The following CTDSPL2 variants were observed in gnomAD, a reference collection of about 807,000 sequenced individuals.
CTDSPL2 encodes CTD small phosphatase-like protein 2.
A neutral mutation model predicts 60.0 loss-of-function variants in CTDSPL2; 5 were observed. That is an observed-to-expected ratio of 0.08 (90% CI 0.04 to 0.18). CTDSPL2 has a LOEUF of 0.18. Among genes scored for constraint, CTDSPL2 ranks in the 10% least tolerant of loss-of-function variants. The pLI is 1.00. For synonymous variants in CTDSPL2, 186 were observed against 189.3 expected, an observed-to-expected ratio of 0.98 and a Z score of 0.14; for missense variants, 370 against 548.8, an observed-to-expected ratio of 0.67 and a Z score of 3.26.
chr15:44,438,995 C>A (rs2080029140), intron 1 of CTDSPL2, among the ~76,000 whole-genome samples: 1 of 151,866 alleles, frequency 6.6e-6, no homozygotes, highest in Non-Finnish European at 1.5e-5. Flanking sequence ...CTTTTTTCTT[C>A]CAATGTCATG....
intron 1 of CTDSPL2, among the ~76,000 whole-genome samples, chr15:44,444,887 G>GC (rs1470211995): frequency 9.0e-6 from 1 of 110,720 alleles, no homozygotes; most frequent in Non-Finnish European, 1.7e-5. Context: ...TCCCTCTGTT[G>GC]CCCAGGCTGG....
intron 1 of CTDSPL2, among the ~76,000 whole-genome samples, chr15:44,456,266 C>A (rs938609640): frequency 3.9e-5 from 6 of 152,218 alleles, no homozygotes; most frequent in South Asian, 2.1e-4. Flanking sequence ...AAAATGAGTT[C>A]GGGAGGATTC....
chr15:44,442,032 G>A (rs2080098773), intron 1 of CTDSPL2, among the ~76,000 whole-genome samples: 1 of 152,124 alleles, frequency 6.6e-6, no homozygotes, highest in Non-Finnish European at 1.5e-5. Flanking sequence ...TCTTCCCTAA[G>A]TGCTGGTTCC....
intron 1 of CTDSPL2, among the ~76,000 whole-genome samples, chr15:44,455,634 C>T (rs1350049287): frequency 2.6e-5 from 4 of 151,998 alleles, no homozygotes; most frequent in Admixed American, 6.6e-5. Flanking sequence ...GCATGAAGGG[C>T]TGTTGAATTT....
chr15:44,456,411 ATTTCAGC>A (rs1319456225), intron 1 of CTDSPL2, among the ~76,000 whole-genome samples: 1 of 152,168 alleles, frequency 6.6e-6, no homozygotes, highest in Non-Finnish European at 1.5e-5. Context: ...TATTGCCTCA[ATTTCAGC>A]TCCTGTTATT....
intron 1 of CTDSPL2, among the ~76,000 whole-genome samples, chr15:44,428,992 T>G (rs1321755374): frequency 6.6e-6 from 1 of 152,180 alleles, no homozygotes; most frequent in Non-Finnish European, 1.5e-5. Context: ...TTTGTAGGTT[T>G]TTTTGTTTTC....
intron 1 of CTDSPL2, among the ~76,000 whole-genome samples, chr15:44,452,699 T>C (rs2080356387): frequency 6.6e-6 from 1 of 152,180 alleles, no homozygotes; most frequent in Admixed American, 6.5e-5. Flanking sequence ...TCATTGTTAC[T>C]ATTTAAATTT....
rs747532176 is a variant in CTDSPL2 at position 44,521,412 on chromosome 15, T to C, written c.1335+6T>C. 7.0e-7 allele frequency: 1 copy of C among 1,435,856 alleles called. No homozygotes were observed. The highest frequency in any genetic ancestry group is 9.6e-7 in the Non-Finnish European group (1 of 1,036,624). 88.9% of individuals were successfully genotyped at this position (1,435,856 alleles called of 1,614,324 possible). A position where few individuals can be genotyped will look rare whatever the true frequency, so the allele number is the denominator to read the frequency against. ...TGGAGAAGCTTGTAGAACTGGTAAG[T>C]GTAGCTTATCTTTTTCTGTTGTGTT... On this transcript the variant is annotated splice_donor_region_variant and intron_variant, in intron 12 of 12. Transcript: ENST00000260327.
intron 1 of CTDSPL2, among the ~76,000 whole-genome samples, chr15:44,439,378 A>C (rs1033005996): frequency 6.6e-6 from 1 of 151,800 alleles, no homozygotes; most frequent in African/African-American, 2.4e-5. Context: ...CGAACTCCTG[A>C]CCTTGTGATC....
chr15:44,430,673 A>G (rs879888040), intron 1 of CTDSPL2, among the ~76,000 whole-genome samples: 4 of 152,258 alleles, frequency 2.6e-5, no homozygotes, highest in Admixed American at 2.0e-4. Flanking sequence ...TTGTGAAAGC[A>G]TAAAGTAGAA....
Position 44,528,998 on chromosome 15 carries a change from A to G in CTDSPL2, c.*4824A>G, listed in dbSNP as rs2081907325. On this transcript the variant is annotated 3_prime_UTR_variant, in exon 13 of 13. Coordinates refer to ENST00000260327, the MANE Select transcript of CTDSPL2 (RefSeq NM_016396.3). ...TCAAATGCCCTGATCACCCTACCTC[A>G]CAGGGTTGTTGTGGGGATAAATAAA... is the stretch of plus-strand genomic sequence containing the variant. The G allele has an allele frequency of 6.6e-6, 1 of 152,178 alleles. No homozygotes were observed. Among genetic ancestry groups the G allele is most frequent in the Non-Finnish European group, 1.5e-5 (1 of 68,008 alleles). 9.4% of individuals were successfully genotyped at this position (152,178 alleles called of 1,614,324 possible). A position where few individuals can be genotyped will look rare whatever the true frequency, so the allele number is the denominator to read the frequency against.
chr15:44,521,811 G>A lies in CTDSPL2; in HGVS notation c.1335+405G>A, dbSNP rs185223798. The stretch of plus-strand genomic sequence containing the variant: ...AAATTAGCCGGGCGTGGTAGCGGGC[G>A]CCTGTAGTCCCAGCTACTCGGGAGG... On this transcript the variant is annotated intron_variant, in intron 12 of 12. Transcript: ENST00000260327. Among the ~76,000 whole-genome samples, 4 of 151,004 alleles carry A rather than the reference G, an allele frequency of 2.6e-5. No individual in the cohort carries two copies. In the East Asian group the frequency reaches 7.8e-4, roughly 29 times the overall value.
intron 8 of CTDSPL2, among the ~76,000 whole-genome samples, chr15:44,510,244 C>T (rs1211908599): frequency 1.3e-5 from 2 of 152,088 alleles, no homozygotes; most frequent in East Asian, 1.9e-4. Flanking sequence ...GCGATCCACT[C>T]GTCTTGGCCT....
rs1360081533 is a variant in CTDSPL2, at chr15:44,486,563, A to G, written c.338A>G (p.Tyr113Cys). Residue 113 changes from tyrosine to cysteine, a missense_variant, in exon 4 of 13, where the codon TAT (tyrosine) becomes TGT (cysteine). Tyr to Cys is a radical substitution (Grantham distance 194, BLOSUM62 -2). This residue lies in a region of CTDSPL2 where 287 missense variants were observed against 296.1 expected (regional missense o/e 0.97). Transcript: ENST00000260327. ...GTTTCTTTTTTAGAAGCTGGTAGTT[A>G]TGAAATGACAAATCAACATGTAAAA... ...KSQVNGEAGS[Y>C]EMTNQHVKQN... is the part of the protein sequence containing the mutation. 4 of 1,561,832 alleles carry G rather than the reference A, an allele frequency of 2.6e-6. No individual in the cohort carries two copies. Among genetic ancestry groups the G allele is most frequent in the Non-Finnish European group, 3.5e-6 (4 of 1,159,288 alleles).
Position 44,527,122 on chromosome 15 carries a change from A to G in CTDSPL2, c.*2948A>G, listed in dbSNP as rs1029645991. ...AATTGTTTTATATTAGCTAGTATGTATATTTATTTTTACCCAATGGCTTTA... is the reference window on the plus strand; with the variant it reads ...AATTGTTTTATATTAGCTAGTATGTGTATTTATTTTTACCCAATGGCTTTA... On this transcript the variant is annotated 3_prime_UTR_variant, in exon 13 of 13. Coordinates refer to ENST00000260327, the MANE Select transcript of CTDSPL2 (RefSeq NM_016396.3). The G allele has an allele frequency of 3.3e-5, 5 of 152,528 alleles. No individual in the cohort carries two copies. The highest frequency in any genetic ancestry group is 3.3e-4 in the Admixed American group (5 of 15,266). 9.4% of individuals were successfully genotyped at this position (152,528 alleles called of 1,614,324 possible). A position where few individuals can be genotyped will look rare whatever the true frequency, so the allele number is the denominator to read the frequency against.
At position 44,522,314 on chromosome 15, in the gene CTDSPL2, G is replaced by A. The variant is rs146487271; in HGVS notation, c.1335+908G>A. Among the ~76,000 whole-genome samples, 749 of 152,194 alleles carry A rather than the reference G, an allele frequency of 4.9e-3. 4 individuals are homozygous for A. Among genetic ancestry groups the A allele is most frequent in the African/African-American group, 0.017 (712 of 41,520 alleles). On this transcript the variant is annotated intron_variant, in intron 12 of 12. Coordinates refer to ENST00000260327, the MANE Select transcript of CTDSPL2 (RefSeq NM_016396.3). Reference sequence around the variant, plus strand: ...CTCCCATAATGCTGGGATTACAGACGTGAGCCATCATGCCCAACCACATTT... The same window carrying A: ...CTCCCATAATGCTGGGATTACAGACATGAGCCATCATGCCCAACCACATTT...
Position 44,484,428 on chromosome 15 carries a change from A to G in CTDSPL2, c.325+66A>G, listed in dbSNP as rs1156675310. On this transcript the variant is annotated intron_variant, in intron 3 of 12. Transcript: ENST00000260327. ...AGAGATCTCACCTGACACATTTCTT[A>G]TCTATTTTTAAAACTCTACTTTGAG... is the stretch of plus-strand genomic sequence containing the variant. The G allele has an allele frequency of 5.5e-6, 8 of 1,465,822 alleles. No individual in the cohort carries two copies. The South Asian group carries it at 9.5e-5, about 17-fold the overall frequency. The allele number at this position is 1,465,822 out of a possible 1,614,324, so 90.8% of individuals were successfully genotyped here.
At position 44,514,618 on chromosome 15, in the gene CTDSPL2, A is replaced by G. The variant is rs897271969; in HGVS notation, c.990A>G (p.Pro330=). ...CTTAGGTTTATGTGAGATTAAGACCATTTTTCAGGGAATTCCTGGAACGAA... is the reference window on the plus strand; with the variant it reads ...CTTAGGTTTATGTGAGATTAAGACCGTTTTTCAGGGAATTCCTGGAACGAA... ...VIYQVYVRLR[P]FFREFLERMS... The change falls in exon 9 of 13, where the codon CCA becomes CCG. Residue 330 remains proline, a synonymous_variant. Coordinates refer to ENST00000260327, the MANE Select transcript of CTDSPL2 (RefSeq NM_016396.3). The G allele has an allele frequency of 2.9e-5, 46 of 1,607,802 alleles. No individual in the cohort carries two copies. The highest frequency in any genetic ancestry group is 3.8e-5 in the Non-Finnish European group (45 of 1,174,632).
chr15:44,473,949 G>A (rs777186670), intron 2 of CTDSPL2, among the ~76,000 whole-genome samples: 1 of 151,976 alleles, frequency 6.6e-6, no homozygotes, highest in African/African-American at 2.4e-5. Flanking sequence ...TGATCCTCAC[G>A]CCTCAGCTAG....
Sources: allele counts gnomAD v4.1 joint callset (sites outside exome capture counted in the v4.1 genomes callset), GRCh38; gene constraint gnomAD v4.1.1; regional missense constraint gnomAD v4.1.1; transcripts MANE v1.5; gene names NCBI Gene and HGNC (gene_info 2026-07-23, HGNC 2026-07-21).